Variants in ZDHHC20 observed in about 807,000 individuals in gnomAD.
The protein encoded by ZDHHC20 is palmitoyltransferase ZDHHC20.
In ZDHHC20, 43 loss-of-function variants were observed where a neutral mutation model predicts 57.8. The ratio of observed to expected loss-of-function variants is 0.74; its 90% CI spans 0.58 to 0.96. ZDHHC20 has a LOEUF of 0.96. Among genes scored for constraint, ZDHHC20 ranks in the 40% least tolerant of loss-of-function variants. The pLI is 0.00. For synonymous variants in ZDHHC20, 157 were observed against 153.0 expected (o/e 1.03, Z -0.19); for missense variants, 391 against 441.1 (o/e 0.89, Z 1.02).
chr13:21,424,367 G>A (rs774301536), intron 2 of ZDHHC20, among the ~76,000 whole-genome samples: 3 of 152,014 alleles, frequency 2.0e-5, no homozygotes, highest in Non-Finnish European at 4.4e-5. Context: ...AAAATCACCC[G>A]TAACTGAATT....
chr13:21,456,959 A>G (rs1401583787), intron 1 of ZDHHC20, among the ~76,000 whole-genome samples: 1 of 152,200 alleles, frequency 6.6e-6, no homozygotes, highest in Non-Finnish European at 1.5e-5. Flanking sequence ...TCACATTCCA[A>G]TAATCAATTG....
intron 1 of ZDHHC20, among the ~76,000 whole-genome samples, chr13:21,448,840 G>C (rs1409487558): frequency 2.3e-5 from 2 of 88,524 alleles, no homozygotes; most frequent in African/African-American, 7.1e-5. Context: ...GAAAGAAGTA[G>C]ACATGGGAGA....
chr13:21,390,690 A>G (rs1219544745), intron 8 of ZDHHC20, among the ~76,000 whole-genome samples: 2 of 152,150 alleles, frequency 1.3e-5, no homozygotes, highest in Non-Finnish European at 2.9e-5. Flanking sequence ...ACTCAAGCCC[A>G]GGAGTTTGAG....
intron 1 of ZDHHC20, 87 bp from the exon 2 acceptor site, chr13:21,425,765 T>C: frequency 1.2e-6 from 1 of 841,948 alleles, no homozygotes; most frequent in Non-Finnish European, 1.6e-6. Flanking sequence ...CATCTTAATA[T>C]CATTTTCAAA....
chr13:21,447,565 G>A (rs1417183486), intron 1 of ZDHHC20, among the ~76,000 whole-genome samples: 1 of 146,862 alleles, frequency 6.8e-6, no homozygotes, highest in Non-Finnish European at 1.5e-5. Flanking sequence ...ATTGCAGAGG[G>A]AGTCTCGTTC....
intron 1 of ZDHHC20, among the ~76,000 whole-genome samples, chr13:21,436,186 T>G (rs954311067): frequency 6.6e-6 from 1 of 152,224 alleles, no homozygotes; most frequent in South Asian, 2.1e-4. Context: ...AAAGAAAAAC[T>G]GTACCTTTAT....
intron 7 of ZDHHC20, among the ~76,000 whole-genome samples, chr13:21,398,324 C>T (rs993591199): frequency 1.3e-5 from 2 of 151,964 alleles, no homozygotes; most frequent in African/African-American, 2.4e-5. Context: ...ATTAGCCGGG[C>T]GAGGTGCCGG....
intron 1 of ZDHHC20, among the ~76,000 whole-genome samples, chr13:21,449,912 G>A (rs139476057): frequency 7.2e-5 from 11 of 152,172 alleles, no homozygotes; most frequent in Non-Finnish European, 1.3e-4. Context: ...GATTACAGGC[G>A]TGAGCCACTG....
intron 4 of ZDHHC20, among the ~76,000 whole-genome samples, chr13:21,406,188 T>C (rs1406313820): frequency 6.6e-6 from 1 of 152,222 alleles, no homozygotes; most frequent in Admixed American, 6.5e-5. Context: ...CTACACCTAC[T>C]TACAGCATCT....
chr13:21,450,672 A>T (rs1356311834), intron 1 of ZDHHC20, among the ~76,000 whole-genome samples: 1 of 152,182 alleles, frequency 6.6e-6, no homozygotes, highest in Non-Finnish European at 1.5e-5. Context: ...TGGCCACTGT[A>T]TCTTTCAAAG....
intron 1 of ZDHHC20, among the ~76,000 whole-genome samples, chr13:21,455,583 T>C (rs1160410952): frequency 6.6e-6 from 1 of 152,172 alleles, no homozygotes; most frequent in Admixed American, 6.5e-5. Context: ...CCGTTTTACA[T>C]GCATTACCCT....
chr13:21,420,143 C>T (rs963845018), intron 3 of ZDHHC20, among the ~76,000 whole-genome samples: 9 of 152,142 alleles, frequency 5.9e-5, no homozygotes, highest in African/African-American at 2.2e-4. Context: ...AAAAATTAGC[C>T]GGGCATGGTG....
chr13:21,383,587 C>G (rs1441396866), intron 9 of ZDHHC20, among the ~76,000 whole-genome samples: 1 of 152,124 alleles, frequency 6.6e-6, no homozygotes, highest in East Asian at 1.9e-4. Context: ...TCTTCTGTGC[C>G]TATTAAGATT....
At chr13:21,400,711 T>A (rs1877502816) in intron 6 of ZDHHC20, among the ~76,000 whole-genome samples, 1 of 152,040 alleles carries the variant, frequency 6.6e-6, no homozygotes, top group Non-Finnish European at 1.5e-5. Flanking sequence ...CCCTAAGAAA[T>A]GGTTAACATG....
intron 1 of ZDHHC20, among the ~76,000 whole-genome samples, chr13:21,435,627 T>C (rs1263434951): frequency 2.0e-5 from 3 of 152,196 alleles, no homozygotes; most frequent in Non-Finnish European, 4.4e-5. Flanking sequence ...AAGGATAATC[T>C]CTTCCATACA....
intron 1 of ZDHHC20, among the ~76,000 whole-genome samples, chr13:21,456,483 C>T (rs991475738): frequency 4.6e-5 from 7 of 152,142 alleles, no homozygotes; most frequent in Non-Finnish European, 8.8e-5. Flanking sequence ...AAAACTCACA[C>T]TTCCCTCCAT....
At chr13:21,425,384 A>T (rs1881134425) in intron 2 of ZDHHC20, among the ~76,000 whole-genome samples, 1 of 152,186 alleles carries the variant, frequency 6.6e-6, no homozygotes, top group Admixed American at 6.5e-5. Flanking sequence ...AAATATTTAT[A>T]TAAATACACA....
chr13:21,423,268 G>A (rs1880846172), intron 2 of ZDHHC20, among the ~76,000 whole-genome samples: 1 of 152,090 alleles, frequency 6.6e-6, no homozygotes, highest in Non-Finnish European at 1.5e-5. Flanking sequence ...TGCTCTTCTT[G>A]TTTCCACTAA....
intron 1 of ZDHHC20, among the ~76,000 whole-genome samples, chr13:21,454,840 C>T (rs1884770539): frequency 6.6e-6 from 1 of 152,122 alleles, no homozygotes; most frequent in African/African-American, 2.4e-5. Context: ...GAGTCCACTC[C>T]ACAAATTTGT....
Sources: allele counts gnomAD v4.1 joint callset (sites outside exome capture counted in the v4.1 genomes callset), GRCh38; gene constraint gnomAD v4.1.1; transcripts MANE v1.5; gene names NCBI Gene and HGNC (gene_info 2026-07-23, HGNC 2026-07-21).